VAC14: variants seen among roughly 807,000 people sequenced by gnomAD.
VAC14 encodes the protein protein VAC14 homolog.
In VAC14, 47 loss-of-function variants were observed where a neutral mutation model predicts 85.3. That is an observed-to-expected ratio of 0.55 (90% CI 0.44 to 0.70). VAC14 has a LOEUF of 0.70. Among genes scored for constraint, VAC14 ranks in the 30% least tolerant of loss-of-function variants. The probability of loss-of-function intolerance (pLI) is 0.00; values close to 1 mark genes in which losing one functional copy is unlikely to be tolerated. For synonymous variants in VAC14, 447 were observed against 430.5 expected (o/e 1.04, Z -0.47); for missense variants, 861 against 1,004.3 (o/e 0.86, Z 1.93).
intron 10 of VAC14, chr16:70,770,071 C>A (rs1232447090): frequency 6.6e-6 from 1 of 152,556 alleles, no homozygotes; most frequent in African/African-American, 2.4e-5. Flanking sequence ...CCCCCTTTCT[C>A]CTGGGATGCT....
chr16:70,760,962 G>GGTGT (rs10671938), intron 12 of VAC14, among the ~76,000 whole-genome samples: 3,175 of 47,158 alleles, frequency 0.067, 337 homozygotes, highest in Middle Eastern at 0.13. Flanking sequence ...ACGAAGAGAG[G>GGTGT]GTGTGTGTGT....
chr16:70,798,945 C>A (rs982788795), intron 1 of VAC14, among the ~76,000 whole-genome samples: 2 of 152,240 alleles, frequency 1.3e-5, no homozygotes, highest in African/African-American at 4.8e-5. Context: ...TTAAGGAGTT[C>A]ACAGTCAAGG....
chr16:70,763,790 C>T (rs1220508152), intron 10 of VAC14, among the ~76,000 whole-genome samples: 1 of 152,212 alleles, frequency 6.6e-6, no homozygotes, highest in Admixed American at 6.5e-5. Flanking sequence ...CTGCGGGTCC[C>T]CAAAGTTCTG....
chr16:70,752,604 G>A (rs1567568046), intron 12 of VAC14, among the ~76,000 whole-genome samples: 1 of 152,266 alleles, frequency 6.6e-6, no homozygotes, highest in Non-Finnish European at 1.5e-5. Context: ...CAGGAGATAA[G>A]CCTAGGGGCC....
intron 17 of VAC14, among the ~76,000 whole-genome samples, chr16:70,693,867 G>A (rs148153608): frequency 6.6e-6 from 1 of 152,248 alleles, no homozygotes; most frequent in East Asian, 1.9e-4. Flanking sequence ...CACACAGGGG[G>A]TCCCGCTGAC....
intron 10 of VAC14, 48 bp downstream of exon 10, chr16:70,772,061 T>A: frequency 6.3e-7 from 1 of 1,580,616 alleles, no homozygotes; most frequent in Non-Finnish European, 8.7e-7. Flanking sequence ...AGGAAAGATC[T>A]AGGCCGCTCG....
At chr16:70,783,666 C>T in intron 5 of VAC14, 112 bp from the exon 6 acceptor site, 1 of 1,042,028 alleles carries the variant, frequency 9.6e-7, no homozygotes, top group African/African-American at 1.6e-5. Flanking sequence ...ACAGCATTTC[C>T]CTGCAGTGCA....
chr16:70,695,440 T>A, intron 17 of VAC14, 104 bp downstream of exon 17: 2 of 1,196,378 alleles, frequency 1.7e-6, no homozygotes, highest in Non-Finnish European at 2.5e-6. Context: ...CTGCTCTTCC[T>A]CCCTCCCCAG....
At chr16:70,778,294 G>A (rs948835932) in intron 9 of VAC14, 1 of 152,110 alleles carries the variant, frequency 6.6e-6, no homozygotes, top group Non-Finnish European at 1.5e-5. Context: ...CAGCTGGTAG[G>A]GATGTTTTTA....
chr16:70,762,106 T>TTTG lies in VAC14; in HGVS notation c.1371+433_1371+434insCAA, dbSNP rs2032439612. ...GTCCTCACTCCTAAAGTGAGTTTTTTTTTTTGTTTTTGTTTTTTTGAGACA... is the reference window on the plus strand; with the variant it reads ...GTCCTCACTCCTAAAGTGAGTTTTTTTTGTTTTTGTTTTTGTTTTTTTGAGACA... On this transcript the variant is annotated intron_variant, in intron 12 of 18. Transcript: ENST00000261776. This position sits in a 1 kb window ranked among gnomAD's most constrained non-coding sequence, Gnocchi z 4.1. Among the ~76,000 whole-genome samples the TTTG allele has an allele frequency of 6.6e-6, 1 of 151,536 alleles. No homozygotes were observed. The highest frequency in any genetic ancestry group is 2.4e-5 in the African/African-American group (1 of 41,048).
At chr16:70,744,054 A>C (rs1234750605) in intron 13 of VAC14, among the ~76,000 whole-genome samples, 2 of 152,054 alleles carry the variant, frequency 1.3e-5, no homozygotes, top group Non-Finnish European at 2.9e-5. Flanking sequence ...ATGGCCACCT[A>C]GTCTTCCACC....
At chr16:70,783,613 C>A in intron 5 of VAC14, 59 bp from the exon 6 acceptor site, 1 of 1,558,968 alleles carries the variant, frequency 6.4e-7, no homozygotes. Context: ...TTCCTGCTCA[C>A]CAAGCCTCTG....
chr16:70,729,598 T>C (rs2054530677), intron 14 of VAC14, among the ~76,000 whole-genome samples: 1 of 151,946 alleles, frequency 6.6e-6, no homozygotes, highest in African/African-American at 2.4e-5. Context: ...TCCTGCCATC[T>C]CCCTGCTTGG....
chr16:70,749,360 T>C (rs750336050), intron 12 of VAC14, among the ~76,000 whole-genome samples: 3 of 152,276 alleles, frequency 2.0e-5, no homozygotes, highest in Non-Finnish European at 4.4e-5. Flanking sequence ...AATTCTCTTA[T>C]TTTAGAAAGT....
intron 18 of VAC14, chr16:70,689,252 C>T (rs928112772): frequency 2.8e-5 from 28 of 985,488 alleles, no homozygotes; most frequent in Non-Finnish European, 3.3e-5. Context: ...TGTGTAAGAG[C>T]TTCACCTGGT....
chr16:70,760,962 GGT>G (rs10671938), intron 12 of VAC14, among the ~76,000 whole-genome samples: 2,479 of 47,414 alleles, frequency 0.052, 106 homozygotes, highest in Non-Finnish European at 0.062. Context: ...ACGAAGAGAG[GGT>G]GTGTGTGTGT....
In VAC14 at chr16:70,688,078, C is replaced by T; in HGVS notation, c.2199G>A (p.Lys733=). 1 of 1,582,642 alleles carries T rather than the reference C, an allele frequency of 6.3e-7. No individual in the cohort carries two copies. ...CAGCTTTCTGGGACTTGGGGGCTGCCTTTAGACTGTCTCTGGGAAGAGGGA... is the reference window on the plus strand; with the variant it reads ...CAGCTTTCTGGGACTTGGGGGCTGCTTTTAGACTGTCTCTGGGAAGAGGGA... ...PELLQTEDSL[K]AAPKSQKADS... Residue 733 remains lysine (K), a synonymous_variant, in exon 19 of 19, where the codon AAG becomes AAA. Transcript: ENST00000261776.
intron 12 of VAC14, among the ~76,000 whole-genome samples, chr16:70,749,043 T>C (rs1170719468): frequency 6.6e-6 from 1 of 152,242 alleles, no homozygotes; most frequent in Non-Finnish European, 1.5e-5. Flanking sequence ...AGTTTCCCTA[T>C]ATGCGCAATG....
chr16:70,769,929 T>C (rs1272441530), intron 10 of VAC14: 2 of 152,332 alleles, frequency 1.3e-5, no homozygotes, highest in Non-Finnish European at 2.9e-5. Flanking sequence ...GATCAGATCC[T>C]GCCATTCCCA....
Sources: gnomAD v4.1 joint callset for allele counts (sites outside exome capture counted in the v4.1 genomes callset) on GRCh38, gnomAD v4.1.1 for gene constraint, Gnocchi (gnomAD v3.1) non-coding constraint, MANE v1.5 for transcripts, NCBI Gene and HGNC (gene_info 2026-07-23, HGNC 2026-07-21) for gene names.